The following GRAP2 variants were observed in gnomAD, a reference collection of about 807,000 sequenced individuals.
The protein encoded by GRAP2 is GRB2-related adapter protein 2.
GRAP2 carries 31 observed loss-of-function variants against 43.5 expected under a neutral mutation model. The observed-to-expected ratio is 0.71, with a 90% confidence interval of 0.54 to 0.96. GRAP2 has a LOEUF of 0.96. Ranked by LOEUF, GRAP2 falls within the 40% of genes least tolerant of loss-of-function variation. GRAP2 has a pLI of 0.00. For synonymous variants in GRAP2, 156 were observed against 164.8 expected, an observed-to-expected ratio of 0.95 and a Z score of 0.41; for missense variants, 371 against 424.4, an observed-to-expected ratio of 0.87 and a Z score of 1.11.
At chr22:39,932,716 C>CAAA (rs34623445) in intron 1 of GRAP2, among the ~76,000 whole-genome samples, 44 of 95,352 alleles carry the variant, frequency 4.6e-4, no homozygotes, top group African/African-American at 1.6e-3. Context: ...ATACCTGTCT[C>CAAA]AAAAAAAAAA....
intron 1 of GRAP2, among the ~76,000 whole-genome samples, chr22:39,924,808 G>C (rs2066683532): frequency 6.6e-6 from 1 of 152,222 alleles, no homozygotes; most frequent in Non-Finnish European, 1.5e-5. Flanking sequence ...GTGAGGCTGG[G>C]TTCCCATCCT....
In GRAP2 at chr22:39,973,222, G is replaced by A. The variant is rs1021223741; in HGVS notation, c.*2138G>A. On this transcript the variant is annotated 3_prime_UTR_variant, in exon 8 of 8. Coordinates refer to ENST00000344138, the MANE Select transcript of GRAP2 (RefSeq NM_004810.4). ...GCCCACAAACTCCATCCAGTTGTCT[G>A]ATGATGTGGGAGGACCAGCTCTAGT... is the stretch of plus-strand genomic sequence containing the variant. 1.3e-5 allele frequency: 2 copies of A among 152,312 alleles called. No homozygotes were observed. Among genetic ancestry groups the A allele is most frequent in the African/African-American group, 4.8e-5 (2 of 41,470 alleles). 9.4% of individuals were successfully genotyped at this position (152,312 alleles called of 1,614,324 possible).
chr22:39,937,742 C>T (rs1264851429), intron 1 of GRAP2, among the ~76,000 whole-genome samples: 1 of 152,116 alleles, frequency 6.6e-6, no homozygotes, highest in Non-Finnish European at 1.5e-5. Flanking sequence ...AACTATGGTT[C>T]TCCGGCTACA....
chr22:39,895,305 A>G, the GRAP2 span, among the ~76,000 whole-genome samples: 1 of 152,320 alleles, frequency 6.6e-6, no homozygotes, highest in African/African-American at 2.4e-5. Context: ...TCATAATTAT[A>G]ATAATAATAG....
chr22:39,953,916 GCT>G (rs747443285), intron 2 of GRAP2, among the ~76,000 whole-genome samples: 2 of 152,174 alleles, frequency 1.3e-5, no homozygotes, highest in African/African-American at 2.4e-5. Context: ...CCCAGCCAGA[GCT>G]CTTTCTGAAC....
chr22:39,955,069 GAA>G (rs2145652716), intron 2 of GRAP2, among the ~76,000 whole-genome samples: 1 of 152,254 alleles, frequency 6.6e-6, no homozygotes, highest in African/African-American at 2.4e-5. Flanking sequence ...TTGAATTTTT[GAA>G]AAGTTTCCTG....
chr22:39,906,706 C>T (rs946289007), intron 1 of GRAP2, among the ~76,000 whole-genome samples: 1 of 152,184 alleles, frequency 6.6e-6, no homozygotes, highest in Admixed American at 6.5e-5. Flanking sequence ...CCACACCCCC[C>T]AGCCTTCTAG....
intron 1 of GRAP2, among the ~76,000 whole-genome samples, chr22:39,903,882 C>T (rs753452251): frequency 6.2e-4 from 94 of 152,270 alleles, no homozygotes; most frequent in African/African-American, 2.1e-3. Flanking sequence ...AGGCCTGGCA[C>T]TAGGCACCAA....
rs1341713612 is a variant in GRAP2 at position 39,972,707 on chromosome 22, C to T, written c.*1623C>T. 1 of 152,184 alleles carries T rather than the reference C, an allele frequency of 6.6e-6. No homozygotes were observed. The highest frequency in any genetic ancestry group is 2.4e-5 in the African/African-American group (1 of 41,396). 9.4% of individuals were successfully genotyped at this position (152,184 alleles called of 1,614,324 possible). The stretch of plus-strand genomic sequence containing the variant: ...GACTGTGATTCTACAGTTCTCTGAT[C>T]CTCATGTTTCCTTTAGAGGAAAGAG... On this transcript the variant is annotated 3_prime_UTR_variant, in exon 8 of 8. Transcript: ENST00000344138.
intron 1 of GRAP2, among the ~76,000 whole-genome samples, chr22:39,914,899 T>C (rs2066592126): frequency 6.6e-6 from 1 of 152,000 alleles, no homozygotes; most frequent in South Asian, 2.1e-4. Context: ...AAAAAAATAT[T>C]CATTTTAGGC....
chr22:39,913,192 C>CA (rs397868164), intron 1 of GRAP2, among the ~76,000 whole-genome samples: 865 of 62,072 alleles, frequency 0.014, 7 homozygotes, highest in Middle Eastern at 0.033. Context: ...GACTCCATCT[C>CA]AAAAAAAAAA....
rs145144717 is a variant in GRAP2, at chr22:39,972,415, G to T, written c.*1331G>T. On this transcript the variant is annotated 3_prime_UTR_variant, in exon 8 of 8. Coordinates refer to ENST00000344138, the MANE Select transcript of GRAP2 (RefSeq NM_004810.4). Reference sequence around the variant, plus strand: ...CACGCACATATTTGTGCACTCCTGTGTGTATACATGTGTGCTTGTGTATGC... The same window carrying T: ...CACGCACATATTTGTGCACTCCTGTTTGTATACATGTGTGCTTGTGTATGC... The T allele has an allele frequency of 2.4e-4, 36 of 152,450 alleles. No individual in the cohort carries two copies. Among genetic ancestry groups the T allele is most frequent in the African/African-American group, 8.4e-4 (35 of 41,596 alleles). The allele number at this position is 152,450 out of a possible 1,614,324, so 9.4% of individuals were successfully genotyped here. A position where few individuals can be genotyped will look rare whatever the true frequency, so the allele number is the denominator to read the frequency against.
In GRAP2 at chr22:39,971,610, C is replaced by T. The variant is rs1208985137; in HGVS notation, c.*526C>T. On this transcript the variant is annotated 3_prime_UTR_variant, in exon 8 of 8. Transcript: ENST00000344138. ...TTAGGAATTAAGGTGCAGCCCAGTG[C>T]TGCGGGCAGCCAAGCGAGTCTGAGC... The T allele has an allele frequency of 6.5e-6, 1 of 153,018 alleles. No homozygotes were observed. The highest frequency in any genetic ancestry group is 1.5e-5 in the Non-Finnish European group (1 of 68,592). The allele number at this position is 153,018 out of a possible 1,614,324, so 9.5% of individuals were successfully genotyped here. A position where few individuals can be genotyped will look rare whatever the true frequency, so the allele number is the denominator to read the frequency against.
intron 1 of GRAP2, among the ~76,000 whole-genome samples, chr22:39,906,722 C>T (rs1042060053): frequency 1.3e-5 from 2 of 152,156 alleles, no homozygotes; most frequent in African/African-American, 4.8e-5. Flanking sequence ...TCTAGAACCA[C>T]GGGCTTAATG....
At chr22:39,902,849 A>G (rs2066501400) in intron 1 of GRAP2, among the ~76,000 whole-genome samples, 1 of 152,228 alleles carries the variant, frequency 6.6e-6, no homozygotes, top group Admixed American at 6.5e-5. Flanking sequence ...TGCCTTAGGA[A>G]AAAGGCTCTA....
intron 5 of GRAP2, among the ~76,000 whole-genome samples, chr22:39,966,539 C>A (rs2067176461): frequency 6.6e-6 from 1 of 152,120 alleles, no homozygotes; most frequent in East Asian, 1.9e-4. Context: ...AGTTTTCAAC[C>A]TAGCTCAAGA....
chr22:39,937,551 G>A (rs530479447), intron 1 of GRAP2, among the ~76,000 whole-genome samples: 7 of 152,362 alleles, frequency 4.6e-5, no homozygotes, highest in Non-Finnish European at 1.0e-4. Context: ...ACACTTTGTA[G>A]AAACAGTTTT....
At position 39,938,517 on chromosome 22, in the gene GRAP2, AC is replaced by A. The variant is rs1383192398; in HGVS notation, c.-14-8572del. Among the ~76,000 whole-genome samples, 5 of 152,312 alleles carry A rather than the reference AC, an allele frequency of 3.3e-5. No individual in the cohort carries two copies. The East Asian group carries it at 9.6e-4, about 29-fold the overall frequency. On this transcript the variant is annotated intron_variant, in intron 1 of 7. Coordinates refer to ENST00000344138, the MANE Select transcript of GRAP2 (RefSeq NM_004810.4). Reference sequence around the variant, plus strand: ...GCTGGGGATCCCATGTTGGGTGGAAACCCCAAGAAGCCAGCCAAGGGTCTGC... The same window carrying A: ...GCTGGGGATCCCATGTTGGGTGGAAACCCAAGAAGCCAGCCAAGGGTCTGC...
At chr22:39,918,635 C>T (rs2066623857) in intron 1 of GRAP2, among the ~76,000 whole-genome samples, 1 of 152,166 alleles carries the variant, frequency 6.6e-6, no homozygotes, top group Non-Finnish European at 1.5e-5. Flanking sequence ...TAATTAGCTT[C>T]CCAGTGCTGC....
Sources: allele counts gnomAD v4.1 joint callset (sites outside exome capture counted in the v4.1 genomes callset), GRCh38; gene constraint gnomAD v4.1.1; transcripts MANE v1.5; gene names NCBI Gene and HGNC (gene_info 2026-07-23, HGNC 2026-07-21).